The following LIN52 variants were observed in gnomAD, a reference collection of about 807,000 sequenced individuals.
LIN52 encodes the protein protein lin-52 homolog.
Under a neutral mutation model 18.5 loss-of-function variants are expected in LIN52, and 4 were observed. The observed-to-expected ratio is 0.22, with a 90% confidence interval of 0.11 to 0.49. The LOEUF (loss-of-function observed/expected upper bound fraction) is 0.49, where lower values mean the gene tolerates loss of function less well. LIN52 is among the 20% of genes least tolerant of loss of function. The pLI is 0.97. For synonymous variants in LIN52, 34 were observed against 45.5 expected (o/e 0.75, Z 1.02); for missense variants, 102 against 139.5 (o/e 0.73, Z 1.35).
intron 5 of LIN52, among the ~76,000 whole-genome samples, chr14:74,173,745 A>G (rs2061280727): frequency 1.3e-5 from 2 of 152,250 alleles, no homozygotes; most frequent in South Asian, 2.1e-4. Flanking sequence ...GTTATTAAAA[A>G]CAGTACAGCA....
chr14:74,104,415 C>T (rs997219932), intron 5 of LIN52, among the ~76,000 whole-genome samples: 1 of 152,010 alleles, frequency 6.6e-6, no homozygotes, highest in Non-Finnish European at 1.5e-5. Context: ...GCCTGTCATA[C>T]TTCCACCTGC....
chr14:74,103,916 G>A (rs1297692993), intron 5 of LIN52, among the ~76,000 whole-genome samples: 3 of 145,016 alleles, frequency 2.1e-5, no homozygotes, highest in Non-Finnish European at 3.0e-5. Context: ...TTTTTGAGAC[G>A]GAGTCTCGCT....
Position 74,200,134 on chromosome 14 carries a change from G to C in LIN52, c.*1157G>C, listed in dbSNP as rs958118428. ...AAACTTTGCACAAAAGAATATCCTG[G>C]GGCCGGGCATGGTGGCTCACGCCTG... On this transcript the variant is annotated 3_prime_UTR_variant, in exon 6 of 6. Transcript: ENST00000555028. The C allele has an allele frequency of 6.6e-6, 1 of 151,188 alleles. No individual in the cohort carries two copies. The highest frequency in any genetic ancestry group is 2.4e-5 in the African/African-American group (1 of 41,184). 9.4% of individuals were successfully genotyped at this position (151,188 alleles called of 1,614,324 possible). A position where few individuals can be genotyped will look rare whatever the true frequency, so the allele number is the denominator to read the frequency against.
rs541410979 is a variant in LIN52, at chr14:74,147,117, G to A, written c.283+45879G>A. Among the ~76,000 whole-genome samples, 19 of 152,172 alleles carry A rather than the reference G, an allele frequency of 1.2e-4. No homozygotes were observed. In the South Asian group the frequency reaches 4.0e-3, roughly 32 times the overall value. On this transcript the variant is annotated intron_variant, in intron 5 of 5. Coordinates refer to ENST00000555028, the MANE Select transcript of LIN52 (RefSeq NM_001024674.3). Reference sequence around the variant, plus strand: ...CTACTAAAACTACAAAATTAGCTGGGCATGACAACGCACCCCTGTAATCCC... The same window carrying A: ...CTACTAAAACTACAAAATTAGCTGGACATGACAACGCACCCCTGTAATCCC...
At chr14:74,178,793 T>G (rs979958411) in intron 5 of LIN52, among the ~76,000 whole-genome samples, 3 of 151,326 alleles carry the variant, frequency 2.0e-5, no homozygotes, top group Non-Finnish European at 4.4e-5. Context: ...TCAAAAAAAA[T>G]AGAGAGGCTG....
At chr14:74,156,051 A>G (rs1268127901) in intron 5 of LIN52, among the ~76,000 whole-genome samples, 1 of 152,236 alleles carries the variant, frequency 6.6e-6, no homozygotes, top group African/African-American at 2.4e-5. Flanking sequence ...TGTACAGCCA[A>G]GCAAGAAAAG....
At chr14:74,098,760 C>G (rs1393611670) in intron 4 of LIN52, among the ~76,000 whole-genome samples, 1 of 152,042 alleles carries the variant, frequency 6.6e-6, no homozygotes, top group African/African-American at 2.4e-5. Context: ...GTTGGCCAGG[C>G]TGGTCTCAAA....
chr14:74,171,456 C>G (rs750339211), intron 5 of LIN52, among the ~76,000 whole-genome samples: 1 of 150,848 alleles, frequency 6.6e-6, no homozygotes, highest in African/African-American at 2.4e-5. Context: ...TTTTCCCAGT[C>G]GTAGTAAGAA....
chr14:74,182,101 C>T (rs986348882), intron 5 of LIN52, among the ~76,000 whole-genome samples: 1 of 152,212 alleles, frequency 6.6e-6, no homozygotes, highest in Non-Finnish European at 1.5e-5. Flanking sequence ...ACTTCTGCCT[C>T]CCAGGCTCAA....
At chr14:74,170,257 A>G (rs1313980810) in intron 5 of LIN52, among the ~76,000 whole-genome samples, 1 of 152,244 alleles carries the variant, frequency 6.6e-6, no homozygotes, top group African/African-American at 2.4e-5. Context: ...AGTGCATAAC[A>G]GATGCTTAGT....
At chr14:74,168,451 G>A (rs1270721413) in intron 5 of LIN52, among the ~76,000 whole-genome samples, 2 of 150,734 alleles carry the variant, frequency 1.3e-5, no homozygotes, top group Non-Finnish European at 3.0e-5. Flanking sequence ...GGTGGATCAC[G>A]AGGTCAGGAG....
At chr14:74,114,175 AGTGTGTGTGTGT>A (rs55840907) in intron 5 of LIN52, 51 of 941,300 alleles carry the variant, frequency 5.4e-5, no homozygotes, top group South Asian at 9.9e-5. Context: ...AACTGAGATT[AGTGTGTGTGTGT>A]GTGTGTGTGT....
intron 1 of LIN52, among the ~76,000 whole-genome samples, chr14:74,088,835 T>C (rs1336285282): frequency 1.3e-5 from 2 of 152,232 alleles, no homozygotes; most frequent in Non-Finnish European, 2.9e-5. Context: ...GTTAGCATAC[T>C]GAGCATACAA....
At chr14:74,164,874 C>G (rs1324447585) in intron 5 of LIN52, among the ~76,000 whole-genome samples, 2 of 152,040 alleles carry the variant, frequency 1.3e-5, no homozygotes, top group Non-Finnish European at 2.9e-5. Flanking sequence ...TTGAGAAAAG[C>G]CCCTAAAATG....
At chr14:74,139,373 G>A (rs565551433) in intron 5 of LIN52, among the ~76,000 whole-genome samples, 2 of 152,336 alleles carry the variant, frequency 1.3e-5, no homozygotes, top group East Asian at 1.9e-4. Flanking sequence ...GTCAGTAGAA[G>A]GATGTGAGGT....
rs1221506893 is a variant in LIN52 at position 74,085,013 on chromosome 14, T to G, written c.19+20T>G. 1.5e-6 allele frequency: 2 copies of G among 1,377,700 alleles called. No homozygotes were observed. Among genetic ancestry groups the G allele is most frequent in the African/African-American group, 3.0e-5 (2 of 66,870 alleles). 85.3% of individuals were successfully genotyped at this position (1,377,700 alleles called of 1,614,324 possible). A position where few individuals can be genotyped will look rare whatever the true frequency, so the allele number is the denominator to read the frequency against. ...CAGACGGTAAGAGCCGGCTTAGAGA[T>G]CTTTGCCTGCAGCCTCCTTCTTTGC... is the stretch of plus-strand genomic sequence containing the variant. On this transcript the variant is annotated intron_variant, in intron 1 of 5. Transcript: ENST00000555028.
chr14:74,166,209 A>T (rs971685165), intron 5 of LIN52, among the ~76,000 whole-genome samples: 2 of 144,278 alleles, frequency 1.4e-5, no homozygotes, highest in African/African-American at 2.6e-5. Flanking sequence ...TATTTTTAAC[A>T]ATTAAGTTAT....
intron 5 of LIN52, among the ~76,000 whole-genome samples, chr14:74,145,235 C>T (rs1739060408): frequency 6.6e-6 from 1 of 152,184 alleles, no homozygotes; most frequent in African/African-American, 2.4e-5. Context: ...TCTTCTAATT[C>T]TTCAGTGTCA....
intron 5 of LIN52, among the ~76,000 whole-genome samples, chr14:74,110,614 G>A (rs1449437009): frequency 6.6e-6 from 1 of 151,796 alleles, no homozygotes; most frequent in African/African-American, 2.4e-5. Flanking sequence ...AGGTTGCAGT[G>A]AGCCGAGATT....
Sources: gnomAD v4.1 joint callset for allele counts (sites outside exome capture counted in the v4.1 genomes callset) on GRCh38, gnomAD v4.1.1 for gene constraint, MANE v1.5 for transcripts, NCBI Gene and HGNC (gene_info 2026-07-23, HGNC 2026-07-21) for gene names.